The following CCDC18 variants were observed in gnomAD, a reference collection of about 807,000 sequenced individuals.
CCDC18 encodes coiled-coil domain containing 18.
Under a neutral mutation model 196.0 loss-of-function variants are expected in CCDC18, and 157 were observed. The ratio of observed to expected loss-of-function variants is 0.80; its 90% CI spans 0.70 to 0.91. CCDC18 has a LOEUF of 0.91. Ranked by LOEUF, CCDC18 falls within the 40% of genes least tolerant of loss-of-function variation. CCDC18 has a pLI of 0.00. For missense variants in CCDC18, 1,465 were observed against 1,611.6 expected (o/e 0.91, Z 1.56); for synonymous variants, 482 against 529.2 (o/e 0.91, Z 1.22).
chr1:93,248,483 T>C (rs1271831808), intron 23 of CCDC18, among the ~76,000 whole-genome samples: 1 of 152,236 alleles, frequency 6.6e-6, no homozygotes, highest in Non-Finnish European at 1.5e-5. Context: ...TTGTGTATGT[T>C]GAACCATCTT....
intron 7 of CCDC18, among the ~76,000 whole-genome samples, chr1:93,202,381 TG>T (rs1411827574): frequency 6.6e-6 from 1 of 152,236 alleles, no homozygotes; most frequent in Non-Finnish European, 1.5e-5. Flanking sequence ...GGCTTGCTTC[TG>T]CCTCTCGGAA....
chr1:93,221,680 A>G lies in CCDC18; in HGVS notation c.2034A>G (p.Gln678=), dbSNP rs373523648. 2.8e-5 allele frequency: 45 copies of G among 1,594,612 alleles called. No homozygotes were observed. The highest frequency in any genetic ancestry group is 3.7e-5 in the Non-Finnish European group (44 of 1,174,350). The change falls in exon 15 of 29, where the codon CAA becomes CAG. Residue 678 remains glutamine, a synonymous_variant. Coordinates refer to ENST00000690025, the MANE Select transcript of CCDC18 (RefSeq NM_001378204.1). The stretch of plus-strand genomic sequence containing the variant: ...AAAAGACTATGTCCATGTTGCAACA[A>G]GATATAATATGCAAACAACATCATC... ...EQEKTMSMLQ[Q]DIICKQHHLE...
upstream of CCDC18, chr1:93,180,250 G>A (rs1237424174): frequency 6.2e-7 from 1 of 1,603,192 alleles, no homozygotes; most frequent in South Asian, 1.1e-5. Flanking sequence ...CATCCCTGCT[G>A]GGGCGATCCC....
At chr1:93,223,553 C>T (rs1657791645) in intron 16 of CCDC18, among the ~76,000 whole-genome samples, 1 of 152,062 alleles carries the variant, frequency 6.6e-6, no homozygotes, top group Non-Finnish European at 1.5e-5. Flanking sequence ...TTATAAGGGT[C>T]AGTTTAAAGT....
chr1:93,274,317 G>T (rs1349620538), intron 28 of CCDC18, among the ~76,000 whole-genome samples: 1 of 152,030 alleles, frequency 6.6e-6, no homozygotes, highest in Non-Finnish European at 1.5e-5. Context: ...GTGGAGAATT[G>T]CTTGAACCCG....
At chr1:93,198,033 G>A (rs1222029638) in intron 6 of CCDC18, among the ~76,000 whole-genome samples, 3 of 152,042 alleles carry the variant, frequency 2.0e-5, no homozygotes, top group Non-Finnish European at 4.4e-5. Flanking sequence ...TTACAGGTGT[G>A]AGCCACCGCG....
At chr1:93,232,333 T>C (rs1426270407) in intron 17 of CCDC18, 93 bp from the exon 18 acceptor site, 1 of 711,358 alleles carries the variant, frequency 1.4e-6, no homozygotes, top group Non-Finnish European at 2.3e-6. Flanking sequence ...GACAAGTGGA[T>C]GGTTATCTAA....
At position 93,232,404 on chromosome 1, in the gene CCDC18, G is replaced by T. The variant is rs572701327; in HGVS notation, c.2293-22G>T. 779 of 1,309,950 alleles carry T rather than the reference G, an allele frequency of 5.9e-4. 1 individual carries two copies. Among genetic ancestry groups the T allele is most frequent in the Middle Eastern group, 4.9e-3 (25 of 5,072 alleles). The allele number at this position is 1,309,950 out of a possible 1,614,324, so 81.1% of individuals were successfully genotyped here. ...TTTGAAACATTGCATTGTATTGAGA[G>T]ATATATATATATATTTGCCAGGTAT... On this transcript the variant is annotated intron_variant, in intron 17 of 28. Coordinates refer to ENST00000690025, the MANE Select transcript of CCDC18 (RefSeq NM_001378204.1).
At chr1:93,253,382 C>T (rs985264724) in intron 23 of CCDC18, among the ~76,000 whole-genome samples, 1 of 152,114 alleles carries the variant, frequency 6.6e-6, no homozygotes, top group African/African-American at 2.4e-5. Flanking sequence ...GGCTGGAGAG[C>T]CTATCTCATT....
intron 17 of CCDC18, among the ~76,000 whole-genome samples, chr1:93,227,172 AC>A (rs1442673772): frequency 1.5e-5 from 2 of 129,808 alleles, no homozygotes; most frequent in Admixed American, 7.8e-5. Context: ...TGCATTGGAA[AC>A]CTTTTTTTTT....
Position 93,240,964 on chromosome 1 carries a change from C to CAT in CCDC18, c.2981+1079_2981+1080dup, listed in dbSNP as rs892607010. Among the ~76,000 whole-genome samples, 8 of 151,896 alleles carry CAT rather than the reference C, an allele frequency of 5.3e-5. No individual in the cohort carries two copies. In the East Asian group the frequency reaches 9.7e-4, roughly 18 times the overall value. On this transcript the variant is annotated intron_variant, in intron 21 of 28. Coordinates refer to ENST00000690025, the MANE Select transcript of CCDC18 (RefSeq NM_001378204.1). ...AGCCATGTCAACTTTATTTCCAAAACATATATATATATTTTTTTTCAGACA... is the reference window on the plus strand; with the variant it reads ...AGCCATGTCAACTTTATTTCCAAAACATATATATATATATTTTTTTTCAGACA...
chr1:93,210,986 C>T (rs1239956375), intron 10 of CCDC18, 60 bp downstream of exon 10: 1 of 1,544,380 alleles, frequency 6.5e-7, no homozygotes, highest in African/African-American at 1.4e-5. Context: ...GTAATTAAGA[C>T]CCTTAATTGG....
At chr1:93,202,703 CA>C (rs1419466752) in intron 7 of CCDC18, among the ~76,000 whole-genome samples, 2 of 152,148 alleles carry the variant, frequency 1.3e-5, no homozygotes, top group Admixed American at 6.5e-5. Flanking sequence ...ATTTATTAAA[CA>C]ATCATGAAAT....
Position 93,212,307 on chromosome 1 carries a change from A to G in CCDC18, c.1495+46A>G, listed in dbSNP as rs191271691. The G allele has an allele frequency of 1.5e-5, 19 of 1,268,206 alleles. No individual in the cohort carries two copies. In the East Asian group the frequency reaches 5.2e-4, roughly 35 times the overall value. The allele number at this position is 1,268,206 out of a possible 1,614,324, so 78.6% of individuals were successfully genotyped here. On this transcript the variant is annotated intron_variant, in intron 11 of 28. Coordinates refer to ENST00000690025, the MANE Select transcript of CCDC18 (RefSeq NM_001378204.1). ...TAATAAATTATATTCAGAGTTTTGG[A>G]TGATAGTTTTTTTTTAAAAAAACTT...
intron 21 of CCDC18, among the ~76,000 whole-genome samples, chr1:93,243,732 G>A (rs975111261): frequency 6.6e-6 from 1 of 152,176 alleles, no homozygotes; most frequent in African/African-American, 2.4e-5. Context: ...GGGGCAAAAT[G>A]CCACCAGTCT....
Position 93,255,745 on chromosome 1 carries a change from A to G in CCDC18, c.3343-590A>G, listed in dbSNP as rs557106771. Reference sequence around the variant, plus strand: ...AGCAGGAGCCTGTACCAAACGAAGAAGAGGAAGAAGAGGAAGAAGAGGAGG... The same window carrying G: ...AGCAGGAGCCTGTACCAAACGAAGAGGAGGAAGAAGAGGAAGAAGAGGAGG... On this transcript the variant is annotated intron_variant, in intron 24 of 28. Coordinates refer to ENST00000690025, the MANE Select transcript of CCDC18 (RefSeq NM_001378204.1). 7.2e-4 allele frequency among the ~76,000 whole-genome samples: 102 copies of G among 142,612 alleles called. 1 individual carries two copies. The highest frequency in any genetic ancestry group is 1.2e-3 in the Non-Finnish European group (77 of 66,526). The allele number at this position is 142,612 out of a possible 152,430, so 93.6% of individuals were successfully genotyped here. A position where few individuals can be genotyped will look rare whatever the true frequency, so the allele number is the denominator to read the frequency against.
intron 10 of CCDC18, among the ~76,000 whole-genome samples, chr1:93,211,245 TCCAGCCTGA>T (rs1342280355): frequency 6.8e-6 from 1 of 146,072 alleles, no homozygotes; most frequent in Admixed American, 7.0e-5. Flanking sequence ...GCCACTGCAC[TCCAGCCTGA>T]GCAACAGAGT....
At chr1:93,208,012 C>T (rs765766925) in intron 9 of CCDC18, among the ~76,000 whole-genome samples, 1 of 143,570 alleles carries the variant, frequency 7.0e-6, no homozygotes, top group South Asian at 2.6e-4. Context: ...TTTGTTTATC[C>T]ATTCACTGGC....
rs1660518918 is a variant in CCDC18 at position 93,239,765 on chromosome 1, A to G, written c.2850A>G (p.Glu950=). 6.2e-7 allele frequency: 1 copy of G among 1,613,762 alleles called. No individual in the cohort carries two copies. Among genetic ancestry groups the G allele is most frequent in the Non-Finnish European group, 8.5e-7 (1 of 1,179,746 alleles). The part of the protein sequence containing the change: ...ALQKREVLET[E]LQNAHGELKS... The stretch of plus-strand genomic sequence containing the variant: ...AAAAACGGGAAGTACTTGAGACTGA[A>G]CTACAAAATGCTCATGGAGAATTAA... Residue 950 remains glutamate (E), a synonymous_variant, in exon 21 of 29, where the codon GAA becomes GAG. Coordinates refer to ENST00000690025, the MANE Select transcript of CCDC18 (RefSeq NM_001378204.1).
Sources: gnomAD v4.1 joint callset for allele counts (sites outside exome capture counted in the v4.1 genomes callset) on GRCh38, gnomAD v4.1.1 for gene constraint, MANE v1.5 for transcripts, NCBI Gene and HGNC (gene_info 2026-07-23, HGNC 2026-07-21) for gene names.